REC114: variants seen among roughly 807,000 people sequenced by gnomAD.
REC114 encodes REC114 meiotic recombination protein, also known as meiotic recombination protein REC114.
REC114 carries 27 observed loss-of-function variants against 31.3 expected under a neutral mutation model. That is an observed-to-expected ratio of 0.86 (90% CI 0.64 to 1.19). The LOEUF (loss-of-function observed/expected upper bound fraction) is 1.19, where lower values mean the gene tolerates loss of function less well. Ranked by LOEUF, REC114 falls within the 50% of genes most tolerant of loss-of-function variation. The pLI, the probability that REC114 is intolerant of heterozygous loss-of-function variation, is 0.00. For synonymous variants in REC114, 134 were observed against 127.7 expected (o/e 1.05, Z -0.33); for missense variants, 344 against 326.9 (o/e 1.05, Z -0.40).
chr15:73,468,587 C>T (rs779224345), intron 1 of REC114, among the ~76,000 whole-genome samples: 4 of 151,578 alleles, frequency 2.6e-5, no homozygotes, highest in East Asian at 1.9e-4. Context: ...TAAGAACTTG[C>T]GGTAACAATG....
chr15:73,549,967 G>A (rs1164953896), intron 3 of REC114, among the ~76,000 whole-genome samples: 1 of 152,120 alleles, frequency 6.6e-6, no homozygotes, highest in East Asian at 1.9e-4. Context: ...GGAACTTACA[G>A]GATTTTGTTA....
At chr15:73,492,108 G>T (rs1036402966) in intron 2 of REC114, among the ~76,000 whole-genome samples, 2 of 151,944 alleles carry the variant, frequency 1.3e-5, no homozygotes, top group Non-Finnish European at 2.9e-5. Context: ...TATTGGCCTC[G>T]TTAAGAAACA....
At chr15:73,517,626 C>T (rs1162729450) in intron 2 of REC114, among the ~76,000 whole-genome samples, 1 of 152,180 alleles carries the variant, frequency 6.6e-6, no homozygotes, top group East Asian at 1.9e-4. Context: ...CGAGCCAGGC[C>T]TGGCAGCAGG....
chr15:73,465,590 AT>A (rs1004842555), intron 1 of REC114, among the ~76,000 whole-genome samples: 1 of 152,050 alleles, frequency 6.6e-6, no homozygotes, highest in Non-Finnish European at 1.5e-5. Context: ...ATACTAGATA[AT>A]TTTTTTATTT....
intron 2 of REC114, among the ~76,000 whole-genome samples, chr15:73,500,689 T>TAGAC (rs1186140380): frequency 6.6e-6 from 1 of 152,098 alleles, no homozygotes; most frequent in African/African-American, 2.4e-5. Context: ...ATTTTTTAAA[T>TAGAC]GTCTGTTTGT....
At chr15:73,501,802 A>C (rs1023578025) in intron 2 of REC114, among the ~76,000 whole-genome samples, 1 of 152,292 alleles carries the variant, frequency 6.6e-6, no homozygotes, top group African/African-American at 2.4e-5. Flanking sequence ...AGCTGATTTT[A>C]TGTTTGGTTC....
intron 2 of REC114, among the ~76,000 whole-genome samples, chr15:73,508,075 G>GGTT (rs886647606): frequency 2.0e-5 from 3 of 151,974 alleles, no homozygotes; most frequent in African/African-American, 4.8e-5. Context: ...TTTGTTGGTT[G>GGTT]GTTGTTCTTC....
chr15:73,556,981 C>T (rs1354518138), intron 5 of REC114, among the ~76,000 whole-genome samples: 1 of 151,874 alleles, frequency 6.6e-6, no homozygotes, highest in East Asian at 1.9e-4. Flanking sequence ...CCCCTCACTG[C>T]ATTCCTCATT....
rs932662886 is a variant in REC114 at position 73,477,809 on chromosome 15, T to A, written c.249+3888T>A. On this transcript the variant is annotated intron_variant, in intron 2 of 5. Transcript: ENST00000331090. ...AGTTCATTATGAATTTTTTTAGTATTAATATTTTTATTTTTATTTCATGTA... is the reference window on the plus strand; with the variant it reads ...AGTTCATTATGAATTTTTTTAGTATAAATATTTTTATTTTTATTTCATGTA... 1.3e-5 allele frequency among the ~76,000 whole-genome samples: 2 copies of A among 152,188 alleles called. 1 individual carries two copies. Among genetic ancestry groups the A allele is most frequent in the Non-Finnish European group, 2.9e-5 (2 of 68,016 alleles).
intron 2 of REC114, among the ~76,000 whole-genome samples, chr15:73,528,585 G>A (rs1014224787): frequency 2.6e-5 from 4 of 152,178 alleles, no homozygotes; most frequent in African/African-American, 9.7e-5. Flanking sequence ...CCCATTGCCT[G>A]TTTTTGTATG....
At chr15:73,484,401 G>C (rs926411463) in intron 2 of REC114, among the ~76,000 whole-genome samples, 3 of 152,194 alleles carry the variant, frequency 2.0e-5, no homozygotes, top group Non-Finnish European at 4.4e-5. Flanking sequence ...CTTCTGTCCT[G>C]GAGCTGGAGC....
intron 2 of REC114, among the ~76,000 whole-genome samples, chr15:73,538,008 T>C (rs560310196): frequency 6.6e-6 from 1 of 152,336 alleles, no homozygotes; most frequent in East Asian, 1.9e-4. Context: ...GTTCAGTTTA[T>C]ATAGAGCTGC....
At chr15:73,549,527 C>A (rs1463891942) in intron 3 of REC114, among the ~76,000 whole-genome samples, 1 of 152,056 alleles carries the variant, frequency 6.6e-6, no homozygotes, top group Non-Finnish European at 1.5e-5. Flanking sequence ...GGATGGATAC[C>A]CCATTTTCCA....
chr15:73,459,639 C>G (rs1892963614), intron 1 of REC114, among the ~76,000 whole-genome samples: 1 of 152,198 alleles, frequency 6.6e-6, no homozygotes, highest in Non-Finnish European at 1.5e-5. Flanking sequence ...ACCAAATATG[C>G]TCAGATTGTA....
At chr15:73,554,385 C>A (rs1894433423) in intron 4 of REC114, among the ~76,000 whole-genome samples, 1 of 152,242 alleles carries the variant, frequency 6.6e-6, no homozygotes, top group Non-Finnish European at 1.5e-5. Flanking sequence ...TTGCTGCTCT[C>A]TTACATTCAG....
At chr15:73,505,566 C>G (rs1370503789) in intron 2 of REC114, among the ~76,000 whole-genome samples, 1 of 151,808 alleles carries the variant, frequency 6.6e-6, no homozygotes, top group Non-Finnish European at 1.5e-5. Context: ...GAGTCTTGCT[C>G]TGTCGCCCAG....
intron 2 of REC114, 46 bp downstream of exon 2, chr15:73,473,967 T>G (rs1316206905): frequency 2.4e-6 from 3 of 1,238,694 alleles, no homozygotes; most frequent in African/African-American, 1.5e-5. Context: ...CATCTTTGTC[T>G]TCTTAGCTTT....
At chr15:73,457,881 A>G (rs1280617896) in intron 1 of REC114, among the ~76,000 whole-genome samples, 4 of 152,214 alleles carry the variant, frequency 2.6e-5, no homozygotes, top group South Asian at 2.1e-4. Flanking sequence ...TAGAGATTCT[A>G]TGGAACTGTG....
rs35053500 is a variant in REC114, at chr15:73,483,269, C to CGCTGCT, written c.249+9366_249+9371dup. 2.6e-4 allele frequency: 41 copies of CGCTGCT among 154,930 alleles called. 1 individual carries two copies. The East Asian group carries it at 3.4e-3, about 13-fold the overall frequency. The allele number at this position is 154,930 out of a possible 1,614,324, so 9.6% of individuals were successfully genotyped here. ...TTCCTCTGGTCATGTTTTGAGCTGCCGCTGCTGCTGCTGCTGCTGCTGCAA... is the reference window on the plus strand; with the variant it reads ...TTCCTCTGGTCATGTTTTGAGCTGCCGCTGCTGCTGCTGCTGCTGCTGCTGCTGCAA... On this transcript the variant is annotated intron_variant, in intron 2 of 5. Coordinates refer to ENST00000331090, the MANE Select transcript of REC114 (RefSeq NM_001042367.2).
Sources: gnomAD v4.1 joint callset for allele counts (sites outside exome capture counted in the v4.1 genomes callset) on GRCh38, gnomAD v4.1.1 for gene constraint, MANE v1.5 for transcripts, NCBI Gene and HGNC (gene_info 2026-07-23, HGNC 2026-07-21) for gene names.